Variants in KCND2 observed in about 807,000 individuals in gnomAD.
KCND2 encodes the protein A-type voltage-gated potassium channel KCND2.
KCND2 carries 16 observed loss-of-function variants against 54.4 expected under a neutral mutation model. The observed-to-expected ratio is 0.29, with a 90% CI of 0.20 to 0.45. The LOEUF (loss-of-function observed/expected upper bound fraction) is 0.45. Among genes scored for constraint, KCND2 ranks in the 20% least tolerant of loss-of-function variants. The pLI is 1.00. For missense variants in KCND2, 486 were observed against 824.2 expected, an observed-to-expected ratio of 0.59 and a Z score of 5.02; for synonymous variants, 317 against 310.7, an observed-to-expected ratio of 1.02 and a Z score of -0.21.
In KCND2 at chr7:120,641,490, C is replaced by T. The variant is rs997794210; in HGVS notation, c.1116-91413C>T. ...ATGGATAGTTTCTCCAGGTTCCTGCCTCTCCTTCCCTCTGGGTACCTAGCT... is the reference window on the plus strand; with the variant it reads ...ATGGATAGTTTCTCCAGGTTCCTGCTTCTCCTTCCCTCTGGGTACCTAGCT... On this transcript the variant is annotated intron_variant, in intron 1 of 5. Coordinates refer to ENST00000331113, the MANE Select transcript of KCND2 (RefSeq NM_012281.3). Among the ~76,000 whole-genome samples, 8 of 151,896 alleles carry T rather than the reference C, an allele frequency of 5.3e-5. No homozygotes were observed. The East Asian group carries it at 1.5e-3, about 29-fold the overall frequency.
At chr7:120,482,923 A>C (rs1802627579) in intron 1 of KCND2, among the ~76,000 whole-genome samples, 1 of 152,200 alleles carries the variant, frequency 6.6e-6, no homozygotes, top group Non-Finnish European at 1.5e-5. Context: ...CTTATTACTC[A>C]TGACCCTACT....
At chr7:120,623,654 A>T (rs1451963510) in intron 1 of KCND2, among the ~76,000 whole-genome samples, 14 of 152,232 alleles carry the variant, frequency 9.2e-5, no homozygotes, top group Non-Finnish European at 2.1e-4. Context: ...TTTGAGAGAT[A>T]GTCAATAATA....
chr7:120,722,197 C>A (rs1304252416), intron 1 of KCND2, among the ~76,000 whole-genome samples: 2 of 152,172 alleles, frequency 1.3e-5, no homozygotes, highest in Non-Finnish European at 2.9e-5. Flanking sequence ...AGAAATGACC[C>A]TCTCATGGTA....
chr7:120,670,673 T>G (rs1791980273), intron 1 of KCND2, among the ~76,000 whole-genome samples: 1 of 151,970 alleles, frequency 6.6e-6, no homozygotes, highest in Non-Finnish European at 1.5e-5. Flanking sequence ...TCCCAGCACT[T>G]TAGGAGGCCG....
intron 1 of KCND2, among the ~76,000 whole-genome samples, chr7:120,351,958 T>C (rs967051724): frequency 6.6e-6 from 1 of 151,882 alleles, no homozygotes; most frequent in Non-Finnish European, 1.5e-5. Context: ...ACTGCGGGCA[T>C]GCACCACCAC....
chr7:120,666,506 C>T (rs1791928771), intron 1 of KCND2, among the ~76,000 whole-genome samples: 3 of 151,822 alleles, frequency 2.0e-5, no homozygotes, highest in Admixed American at 2.0e-4. Context: ...TACTTTAGGC[C>T]ACCCTTGAGA....
At chr7:120,316,250 C>T (rs934871341) in intron 1 of KCND2, among the ~76,000 whole-genome samples, 7 of 152,120 alleles carry the variant, frequency 4.6e-5, no homozygotes, top group African/African-American at 7.2e-5. Flanking sequence ...CTTTTCTTTG[C>T]GCCTATTAAA....
chr7:120,564,289 C>T (rs574027987), intron 1 of KCND2, among the ~76,000 whole-genome samples: 2 of 152,200 alleles, frequency 1.3e-5, no homozygotes, highest in South Asian at 2.1e-4. Flanking sequence ...GAAACAGCAA[C>T]GTGATATTCT....
intron 1 of KCND2, among the ~76,000 whole-genome samples, chr7:120,592,054 C>A (rs1010613963): frequency 1.3e-5 from 2 of 152,102 alleles, no homozygotes; most frequent in African/African-American, 4.8e-5. Flanking sequence ...TGCTAGGTAT[C>A]CTAGTCACCC....
At chr7:120,515,658 C>T (rs1320392825) in intron 1 of KCND2, among the ~76,000 whole-genome samples, 1 of 151,922 alleles carries the variant, frequency 6.6e-6, no homozygotes, top group African/African-American at 2.4e-5. Flanking sequence ...CTCACCACCC[C>T]AAAAAAGAGG....
chr7:120,747,863 A>C lies in KCND2; in HGVS notation c.*5A>C, dbSNP rs1793025986. On this transcript the variant is annotated 3_prime_UTR_variant, in exon 6 of 6. Coordinates refer to ENST00000331113, the MANE Select transcript of KCND2 (RefSeq NM_012281.3). ...GTCAGAGTTTCTGCTTTGTAAGACA[A>C]TTGGAATAAGGTCTAAGAGAATTCG... The C allele has an allele frequency of 6.2e-7, 1 of 1,606,900 alleles. No homozygotes were observed. The highest frequency in any genetic ancestry group is 8.5e-7 in the Non-Finnish European group (1 of 1,174,538).
intron 1 of KCND2, among the ~76,000 whole-genome samples, chr7:120,621,276 CAAAAAA>C (rs1175736454): frequency 1.7e-4 from 8 of 47,204 alleles, no homozygotes; most frequent in East Asian, 1.2e-3. Flanking sequence ...GACTCCGTCT[CAAAAAA>C]AAAAAAAAAA....
intron 1 of KCND2, among the ~76,000 whole-genome samples, chr7:120,633,088 T>C (rs905544561): frequency 8.5e-5 from 13 of 152,206 alleles, no homozygotes; most frequent in African/African-American, 3.1e-4. Context: ...TTATCGCCAT[T>C]TCAAATATTG....
intron 1 of KCND2, among the ~76,000 whole-genome samples, chr7:120,537,713 A>G (rs1209200346): frequency 6.6e-6 from 1 of 152,162 alleles, no homozygotes; most frequent in East Asian, 1.9e-4. Context: ...TGTCATGGAG[A>G]TGGCTTCTTT....
At chr7:120,649,039 T>G (rs940012092) in intron 1 of KCND2, among the ~76,000 whole-genome samples, 3 of 152,182 alleles carry the variant, frequency 2.0e-5, no homozygotes, top group African/African-American at 7.2e-5. Flanking sequence ...ATAGTCTCAT[T>G]GACACAGGAA....
At chr7:120,717,421 G>A (rs998045555) in intron 1 of KCND2, among the ~76,000 whole-genome samples, 2 of 152,044 alleles carry the variant, frequency 1.3e-5, no homozygotes, top group Admixed American at 6.6e-5. Context: ...TAAAACTTAT[G>A]AATTGTTTAC....
chr7:120,587,747 T>C (rs1792618508), intron 1 of KCND2, among the ~76,000 whole-genome samples: 1 of 152,206 alleles, frequency 6.6e-6, no homozygotes, highest in African/African-American at 2.4e-5. Context: ...TTACACTGCC[T>C]TTAGGATAAA....
At chr7:120,450,546 C>T (rs1802087387) in intron 1 of KCND2, among the ~76,000 whole-genome samples, 1 of 152,082 alleles carries the variant, frequency 6.6e-6, no homozygotes, top group South Asian at 2.1e-4. Flanking sequence ...GGAGAAAAGT[C>T]CTTCATGAAT....
rs761095237 is a variant in KCND2 at position 120,275,112 on chromosome 7, C to G, written c.480C>G (p.Ser160Arg). 2 of 1,613,636 alleles carry G rather than the reference C, an allele frequency of 1.2e-6. No homozygotes were observed. The highest frequency in any genetic ancestry group is 2.2e-5 in the South Asian group (2 of 91,074). ...DDADTDTAGE[S>R]ALPTMTARQR... ...CGGATACCGACACCGCTGGGGAGAG[C>G]GCCTTGCCCACCATGACTGCAAGGC... Residue 160 changes from serine (S) to arginine (R), a missense_variant, in exon 1 of 6, where the codon AGC becomes AGG. By Grantham distance (110) the Ser-to-Arg change is moderately radical. Coordinates refer to ENST00000331113, the MANE Select transcript of KCND2 (RefSeq NM_012281.3).
Sources: gnomAD v4.1 joint callset for allele counts (sites outside exome capture counted in the v4.1 genomes callset) on GRCh38, gnomAD v4.1.1 for gene constraint, MANE v1.5 for transcripts, NCBI Gene and HGNC (gene_info 2026-07-23, HGNC 2026-07-21) for gene names.